The following CGNL1 variants were observed in gnomAD, a reference collection of about 807,000 sequenced individuals.
The protein encoded by CGNL1 is cingulin-like protein 1.
Under a neutral mutation model 141.2 loss-of-function variants are expected in CGNL1, and 132 were observed. That is an observed-to-expected ratio of 0.93 (90% confidence interval 0.81 to 1.08). The LOEUF (loss-of-function observed/expected upper bound fraction) is 1.08. Ranked by LOEUF, CGNL1 falls within the 50% of genes least tolerant of loss-of-function variation. CGNL1 has a pLI of 0.00. For missense variants in CGNL1, 1,870 were observed against 1,588.6 expected, an observed-to-expected ratio of 1.18 and a Z score of -3.01; for synonymous variants, 690 against 622.1, an observed-to-expected ratio of 1.11 and a Z score of -1.63.
In CGNL1 at chr15:57,438,675, G is replaced by C; in HGVS notation, c.676G>C (p.Asp226His). ...IRLCSSVVIE[D>H]PKKQTSVCVN... Reference sequence around the variant, plus strand: ...TTTATGCAGCTCCGTGGTCATAGAGGACCCCAAAAAGCAGACCTCAGTGTG... The same window carrying C: ...TTTATGCAGCTCCGTGGTCATAGAGCACCCCAAAAAGCAGACCTCAGTGTG... The change falls in exon 2 of 19, where the codon GAC becomes CAC. Residue 226 changes from aspartate to histidine, a missense_variant. Transcript: ENST00000281282. 6.2e-7 allele frequency: 1 copy of C among 1,614,132 alleles called. No individual in the cohort carries two copies. Among genetic ancestry groups the C allele is most frequent in the Non-Finnish European group, 8.5e-7 (1 of 1,180,032 alleles).
intron 1 of CGNL1, among the ~76,000 whole-genome samples, chr15:57,389,206 TAAATG>T (rs1409256502): frequency 6.6e-6 from 1 of 151,972 alleles, no homozygotes; most frequent in Non-Finnish European, 1.5e-5. Context: ...GCTCAGGAAA[TAAATG>T]AAGATTAGTG....
At chr15:57,481,589 A>T (rs2063726832) in intron 8 of CGNL1, among the ~76,000 whole-genome samples, 1 of 152,212 alleles carries the variant, frequency 6.6e-6, no homozygotes, top group African/African-American at 2.4e-5. Context: ...CCATTCACTC[A>T]TTGAAGGACT....
chr15:57,377,038 C>G (rs899427402), intron 1 of CGNL1: 3 of 152,214 alleles, frequency 2.0e-5, no homozygotes, highest in South Asian at 4.1e-4. Flanking sequence ...CTTTCTCTCC[C>G]CGATCCTCCA....
chr15:57,432,246 A>G (rs2063053570), intron 1 of CGNL1, among the ~76,000 whole-genome samples: 1 of 152,158 alleles, frequency 6.6e-6, no homozygotes. Flanking sequence ...GGCCCCTGGA[A>G]TGGCTGGTGA....
intron 1 of CGNL1, among the ~76,000 whole-genome samples, chr15:57,381,162 G>A (rs147694870): frequency 2.6e-5 from 4 of 152,208 alleles, no homozygotes; most frequent in African/African-American, 9.6e-5. Context: ...AGCACTTTTC[G>A]TTCATTACTG....
chr15:57,418,511 C>T (rs543740523), intron 1 of CGNL1, among the ~76,000 whole-genome samples: 1 of 152,192 alleles, frequency 6.6e-6, no homozygotes, highest in Non-Finnish European at 1.5e-5. Flanking sequence ...TTGCCCAGCT[C>T]TCTGCCTGCT....
At chr15:57,468,581 T>C (rs2063541034) in intron 8 of CGNL1, among the ~76,000 whole-genome samples, 1 of 141,250 alleles carries the variant, frequency 7.1e-6, no homozygotes, top group African/African-American at 2.5e-5. Context: ...TGTGTGTGTG[T>C]GTGTGTGTGT....
chr15:57,527,648 T>C (rs1567171225), intron 12 of CGNL1: 2 of 152,230 alleles, frequency 1.3e-5, no homozygotes, highest in Non-Finnish European at 2.9e-5. Context: ...TCAAGCTGTT[T>C]TGTCTGTTGC....
intron 1 of CGNL1, among the ~76,000 whole-genome samples, chr15:57,392,701 G>C (rs2062556550): frequency 6.6e-6 from 1 of 152,172 alleles, no homozygotes; most frequent in Non-Finnish European, 1.5e-5. Context: ...TAATAAAGCT[G>C]TATAAGGTTT....
At chr15:57,397,826 A>G (rs781093043) in intron 1 of CGNL1, among the ~76,000 whole-genome samples, 8 of 149,194 alleles carry the variant, frequency 5.4e-5, no homozygotes, top group Admixed American at 2.7e-4. Flanking sequence ...TCTGTCGCCC[A>G]TGCTGGAGTG....
chr15:57,452,004 C>G (rs1387337439), intron 5 of CGNL1, 137 bp from the exon 6 acceptor site: 1 of 677,706 alleles, frequency 1.5e-6, no homozygotes, highest in African/African-American at 1.9e-5. Context: ...ACTCCTGTGC[C>G]TTAATTATAT....
rs558989921 is a variant in CGNL1, at chr15:57,528,919, G to T, written c.3201+104G>T. The T allele has an allele frequency of 2.3e-5, 29 of 1,260,260 alleles. No homozygotes were observed. The South Asian group carries it at 4.4e-4, about 19-fold the overall frequency. 78.1% of individuals were successfully genotyped at this position (1,260,260 alleles called of 1,614,324 possible). On this transcript the variant is annotated intron_variant, in intron 13 of 18. Transcript: ENST00000281282. ...TCAGCTCAGCCTTTGGGAAGTCTTG[G>T]ATTTTTATTCTCTCCCACAGCTGGG...
chr15:57,448,873 G>C (rs1490197110), intron 4 of CGNL1, among the ~76,000 whole-genome samples: 1 of 151,730 alleles, frequency 6.6e-6, no homozygotes, highest in African/African-American at 2.4e-5. Flanking sequence ...AGTTATAGAT[G>C]TTCTGGAATG....
rs146998492 is a variant in CGNL1, at chr15:57,502,783, T to C, written c.2404-13997T>C. ...GTTCAAGTTGTATATTCAGTGACTG[T>C]AGATAATCAATGGTGGATACTTCAA... On this transcript the variant is annotated intron_variant, in intron 8 of 18. Coordinates refer to ENST00000281282, the MANE Select transcript of CGNL1 (RefSeq NM_032866.5). 1.5e-3 allele frequency among the ~76,000 whole-genome samples: 230 copies of C among 152,344 alleles called. 2 individuals carry two copies. Among genetic ancestry groups the C allele is most frequent in the African/African-American group, 4.7e-3 (197 of 41,584 alleles).
At chr15:57,535,162 G>T (rs192351706) in intron 14 of CGNL1, among the ~76,000 whole-genome samples, 1 of 152,184 alleles carries the variant, frequency 6.6e-6, no homozygotes, top group Non-Finnish European at 1.5e-5. Context: ...GCAATTGACT[G>T]CAGAGCTGGG....
chr15:57,458,965 G>A (rs1019437138), intron 7 of CGNL1, among the ~76,000 whole-genome samples: 13 of 152,148 alleles, frequency 8.5e-5, no homozygotes, highest in Admixed American at 3.3e-4. Flanking sequence ...GGATTGTAGC[G>A]GTTCCCCTGG....
intron 8 of CGNL1, among the ~76,000 whole-genome samples, chr15:57,474,229 T>G (rs899925578): frequency 7.9e-5 from 12 of 152,234 alleles, no homozygotes; most frequent in African/African-American, 2.6e-4. Context: ...ACTGCTTGAT[T>G]CCTTACCCTC....
chr15:57,531,006 T>C (rs1033346542), intron 13 of CGNL1, among the ~76,000 whole-genome samples: 1 of 152,136 alleles, frequency 6.6e-6, no homozygotes, highest in Non-Finnish European at 1.5e-5. Flanking sequence ...CAACCCCCAG[T>C]TGTAAGTGGG....
intron 8 of CGNL1, among the ~76,000 whole-genome samples, chr15:57,502,043 C>T (rs534952328): frequency 8.3e-4 from 126 of 152,302 alleles, no homozygotes; most frequent in African/African-American, 2.7e-3. Flanking sequence ...AGTTGGTAAT[C>T]AGGATGCTGA....
Sources: gnomAD v4.1 joint callset for allele counts (sites outside exome capture counted in the v4.1 genomes callset) on GRCh38, gnomAD v4.1.1 for gene constraint, MANE v1.5 for transcripts, NCBI Gene and HGNC (gene_info 2026-07-23, HGNC 2026-07-21) for gene names.